The following OTUD7A variants were observed in gnomAD, a reference collection of about 807,000 sequenced individuals.
The protein encoded by OTUD7A is OTU deubiquitinase 7A.
A neutral mutation model predicts 65.7 loss-of-function variants in OTUD7A; 12 were observed. The ratio of observed to expected loss-of-function variants is 0.18; its 90% confidence interval spans 0.12 to 0.30. OTUD7A has a LOEUF of 0.30. Among genes scored for constraint, OTUD7A ranks in the 10% least tolerant of loss-of-function variants. OTUD7A has a pLI of 1.00. For missense variants in OTUD7A, 1,148 were observed against 1,304.8 expected (o/e 0.88, Z 1.85); for synonymous variants, 641 against 586.3 (o/e 1.09, Z -1.35).
At chr15:31,842,720 A>C (rs1275779011) in intron 1 of OTUD7A, among the ~76,000 whole-genome samples, 1 of 152,126 alleles carries the variant, frequency 6.6e-6, no homozygotes, top group Non-Finnish European at 1.5e-5. Context: ...CAAAACCCTG[A>C]CCTACTTAGG....
intron 1 of OTUD7A, among the ~76,000 whole-genome samples, chr15:31,739,121 C>A (rs1019592912): frequency 6.6e-6 from 1 of 152,216 alleles, no homozygotes; most frequent in African/African-American, 2.4e-5. Context: ...GATTTACAAA[C>A]ACCCCAGGTA....
At chr15:31,496,622 A>G (rs1319785997) in intron 10 of OTUD7A, among the ~76,000 whole-genome samples, 1 of 152,184 alleles carries the variant, frequency 6.6e-6, no homozygotes, top group African/African-American at 2.4e-5. Context: ...AAGAGATTGG[A>G]TCTGTTTATT....
chr15:31,534,687 A>G (rs1286198556), intron 5 of OTUD7A, among the ~76,000 whole-genome samples: 1 of 152,212 alleles, frequency 6.6e-6, no homozygotes, highest in Non-Finnish European at 1.5e-5. Context: ...CATAACTAAT[A>G]AGCAATTTTT....
chr15:31,759,109 A>G (rs1271701751), intron 1 of OTUD7A, among the ~76,000 whole-genome samples: 1 of 152,150 alleles, frequency 6.6e-6, no homozygotes, highest in African/African-American at 2.4e-5. Context: ...GTCCATATCA[A>G]TGTGCCATTG....
chr15:31,829,221 G>C (rs1049658561), intron 1 of OTUD7A, among the ~76,000 whole-genome samples: 7 of 152,196 alleles, frequency 4.6e-5, no homozygotes, highest in African/African-American at 1.7e-4. Context: ...GGTGGCACTA[G>C]ACCTGGGACA....
At chr15:31,610,617 A>ATATATATT in intron 3 of OTUD7A, among the ~76,000 whole-genome samples, 3 of 30,560 alleles carry the variant, frequency 9.8e-5, no homozygotes, top group Admixed American at 6.7e-4. Context: ...ATATATATAT[A>ATATATATT]TTTTTTTTTT....
rs542112520 is a variant in OTUD7A at position 31,693,271 on chromosome 15, T to C, written c.-99-36194A>G. On this transcript the variant is annotated intron_variant, in intron 1 of 12. Transcript: ENST00000307050. ...CTTTTTTTTGTACTCTAAGATACTGTAAGTCCAAAATATGTCCGTAATGAA... is the reference window on the plus strand; with the variant it reads ...CTTTTTTTTGTACTCTAAGATACTGCAAGTCCAAAATATGTCCGTAATGAA... 8.9e-4 allele frequency among the ~76,000 whole-genome samples: 135 copies of C among 152,398 alleles called. 1 individual carries two copies. Among genetic ancestry groups the C allele is most frequent in the African/African-American group, 3.2e-3 (132 of 41,602 alleles).
Position 31,763,996 on chromosome 15 carries a change from T to C in OTUD7A, c.-100+106511A>G, listed in dbSNP as rs114000034. 6.6e-3 allele frequency among the ~76,000 whole-genome samples: 1,001 copies of C among 152,236 alleles called. 12 individuals carry two copies. Among genetic ancestry groups the C allele is most frequent in the African/African-American group, 0.023 (957 of 41,538 alleles). Reference sequence around the variant, plus strand: ...TCAGATGAAAGAAAATGAAGAGAATTAGTCAATGGAGCTGCTCTGAAAGAT... The same window carrying C: ...TCAGATGAAAGAAAATGAAGAGAATCAGTCAATGGAGCTGCTCTGAAAGAT... On this transcript the variant is annotated intron_variant, in intron 1 of 12. Coordinates refer to ENST00000307050, the MANE Select transcript of OTUD7A (RefSeq NM_001382637.1).
At chr15:31,665,378 CT>C (rs1020215303) in intron 1 of OTUD7A, among the ~76,000 whole-genome samples, 5 of 152,112 alleles carry the variant, frequency 3.3e-5, no homozygotes, top group Non-Finnish European at 7.4e-5. Context: ...CTTTCATCTC[CT>C]TGGTTAGGTA....
intron 8 of OTUD7A, among the ~76,000 whole-genome samples, chr15:31,505,242 C>T (rs1265281662): frequency 2.0e-5 from 3 of 152,048 alleles, no homozygotes; most frequent in Middle Eastern, 3.4e-3. Context: ...AAGAGGCAAA[C>T]GCAGAGGAGA....
intron 3 of OTUD7A, among the ~76,000 whole-genome samples, chr15:31,653,866 C>T (rs568930254): frequency 6.6e-6 from 1 of 151,128 alleles, no homozygotes; most frequent in South Asian, 2.1e-4. Context: ...TAATGGCCAC[C>T]ACAAGCATGG....
intron 1 of OTUD7A, among the ~76,000 whole-genome samples, chr15:31,865,563 G>A (rs957902756): frequency 4.6e-5 from 7 of 152,166 alleles, no homozygotes; most frequent in Admixed American, 1.3e-4. Flanking sequence ...AAATGTGAGC[G>A]CAGAAATTAT....
At chr15:31,849,484 T>C (rs1315307640) in intron 1 of OTUD7A, among the ~76,000 whole-genome samples, 3 of 152,184 alleles carry the variant, frequency 2.0e-5, no homozygotes, top group Admixed American at 6.5e-5. Context: ...ATTCAGGACA[T>C]AGGCATGGGC....
At chr15:31,863,824 C>CA (rs1335100718) in intron 1 of OTUD7A, among the ~76,000 whole-genome samples, 2 of 152,108 alleles carry the variant, frequency 1.3e-5, no homozygotes, top group Non-Finnish European at 2.9e-5. Flanking sequence ...AATTTCTCCT[C>CA]AAAAAATGGG....
intron 8 of OTUD7A, among the ~76,000 whole-genome samples, chr15:31,515,847 A>T (rs2041843421): frequency 1.4e-5 from 2 of 144,774 alleles, no homozygotes; most frequent in South Asian, 4.4e-4. Flanking sequence ...CTGTCCATCC[A>T]TTCATCCATC....
chr15:31,781,493 A>C (rs1895538883), intron 1 of OTUD7A, among the ~76,000 whole-genome samples: 1 of 152,176 alleles, frequency 6.6e-6, no homozygotes, highest in Non-Finnish European at 1.5e-5. Flanking sequence ...GGTTGTATTA[A>C]CCATTAAGTT....
chr15:31,805,384 C>T (rs568869757), intron 1 of OTUD7A, among the ~76,000 whole-genome samples: 2 of 152,326 alleles, frequency 1.3e-5, no homozygotes, highest in African/African-American at 4.8e-5. Context: ...CTGACCCTCC[C>T]CAGGGCCCAC....
chr15:31,592,010 A>C (rs1889740011), intron 3 of OTUD7A, among the ~76,000 whole-genome samples: 1 of 152,234 alleles, frequency 6.6e-6, no homozygotes, highest in South Asian at 2.1e-4. Context: ...AAAATAAAAA[A>C]GTACAGTAAA....
chr15:31,545,377 A>G (rs1474473665), intron 5 of OTUD7A, among the ~76,000 whole-genome samples: 1 of 152,088 alleles, frequency 6.6e-6, no homozygotes, highest in Non-Finnish European at 1.5e-5. Flanking sequence ...CTTAAGCTGA[A>G]ATAGAGGCTC....
Sources: allele counts gnomAD v4.1 joint callset (sites outside exome capture counted in the v4.1 genomes callset), GRCh38; gene constraint gnomAD v4.1.1; transcripts MANE v1.5; gene names NCBI Gene and HGNC (gene_info 2026-07-23, HGNC 2026-07-21).